Variants in RPS6KC1 observed in about 807,000 individuals in gnomAD.
The protein encoded by RPS6KC1 is ribosomal protein S6 kinase C1, also known as inactive ribosomal protein S6 kinase delta-1.
Under a neutral mutation model 103.8 loss-of-function variants are expected in RPS6KC1, and 54 were observed. The observed-to-expected ratio is 0.52, with a 90% confidence interval of 0.42 to 0.65. The LOEUF (loss-of-function observed/expected upper bound fraction) is 0.65, where lower values mean the gene tolerates loss of function less well. RPS6KC1 is among the 30% of genes least tolerant of loss of function. The pLI is 0.00. For synonymous variants in RPS6KC1, 439 were observed against 438.7 expected, an observed-to-expected ratio of 1.00 and a Z score of -0.01; for missense variants, 1,151 against 1,253.8, an observed-to-expected ratio of 0.92 and a Z score of 1.24.
At chr1:213,152,809 A>C (rs2089360167) in intron 6 of RPS6KC1, among the ~76,000 whole-genome samples, 1 of 151,328 alleles carries the variant, frequency 6.6e-6, no homozygotes, top group Admixed American at 6.6e-5. Flanking sequence ...GCCGCCAGGC[A>C]GAGATGCTCC....
At chr1:213,430,272 T>C in the RPS6KC1 span, among the ~76,000 whole-genome samples, 1 of 152,198 alleles carries the variant, frequency 6.6e-6, no homozygotes, top group African/African-American at 2.4e-5. Context: ...ATTTCCAGCA[T>C]GGAATGTATT....
At chr1:213,834,540 TAGTTCACCA>T in the RPS6KC1 span, among the ~76,000 whole-genome samples, 2 of 152,188 alleles carry the variant, frequency 1.3e-5, no homozygotes, top group East Asian at 3.8e-4. Context: ...CTAAAGTGCC[TAGTTCACCA>T]AGAGCAAAGT....
At chr1:213,252,685 A>G (rs1385473354) in intron 12 of RPS6KC1, among the ~76,000 whole-genome samples, 1 of 152,152 alleles carries the variant, frequency 6.6e-6, no homozygotes, top group African/African-American at 2.4e-5. Flanking sequence ...AAGGTCAGAT[A>G]TTTAAAGTGA....
At chr1:213,437,751 T>G in the RPS6KC1 span, among the ~76,000 whole-genome samples, 1 of 137,616 alleles carries the variant, frequency 7.3e-6, no homozygotes, top group African/African-American at 2.8e-5. Flanking sequence ...CTGCCTTTTG[T>G]TTTTTTTTGT....
the RPS6KC1 span, among the ~76,000 whole-genome samples, chr1:213,312,431 A>G: frequency 2.6e-5 from 4 of 152,174 alleles, no homozygotes; most frequent in Non-Finnish European, 5.9e-5. Flanking sequence ...TTGATCTGAG[A>G]AATTGGCACC....
chr1:213,756,009 A>G, the RPS6KC1 span, among the ~76,000 whole-genome samples: 1 of 152,118 alleles, frequency 6.6e-6, no homozygotes, highest in African/African-American at 2.4e-5. Flanking sequence ...ACTTGGGCCA[A>G]TCACCACCGC....
rs1330809213 is a variant in RPS6KC1 at position 213,129,861 on chromosome 1, A to C, written c.807A>C (p.Gly269=). Residue 269 remains glycine, a synonymous_variant, in exon 6 of 15, where the codon GGA becomes GGC. Coordinates refer to ENST00000366960, the MANE Select transcript of RPS6KC1 (RefSeq NM_012424.6). The part of the protein sequence containing the change: ...YEAASDFYRK[G]VDLLLEGVQG... ...CTGCTTCTGATTTTTATAGGAAGGG[A>C]GTTGATTTACTCCTAGAAGGTGTTC... The C allele has an allele frequency of 1.2e-6, 2 of 1,608,596 alleles. No homozygotes were observed. Among genetic ancestry groups the C allele is most frequent in the African/African-American group, 1.3e-5 (1 of 74,358 alleles).
chr1:213,152,768 G>T (rs2089350474), intron 6 of RPS6KC1, among the ~76,000 whole-genome samples: 1 of 151,532 alleles, frequency 6.6e-6, no homozygotes, highest in African/African-American at 2.4e-5. Flanking sequence ...GGGCAGCCAG[G>T]CAGAGGGGCT....
chr1:213,526,225 A>G, the RPS6KC1 span, among the ~76,000 whole-genome samples: 1 of 152,190 alleles, frequency 6.6e-6, no homozygotes, highest in Non-Finnish European at 1.5e-5. Context: ...TCCATTTGCA[A>G]TATTTTCTTA....
the RPS6KC1 span, among the ~76,000 whole-genome samples, chr1:213,350,842 T>C: frequency 6.6e-6 from 1 of 152,294 alleles, no homozygotes; most frequent in African/African-American, 2.4e-5. Flanking sequence ...ATCATATATA[T>C]GTATGTATAG....
At chr1:213,393,894 C>G in the RPS6KC1 span, among the ~76,000 whole-genome samples, 1 of 152,214 alleles carries the variant, frequency 6.6e-6, no homozygotes, top group African/African-American at 2.4e-5. Context: ...TGTTCAAACA[C>G]TGATGGGGAG....
At chr1:213,248,161 A>G (rs561669443) in intron 12 of RPS6KC1, among the ~76,000 whole-genome samples, 1 of 152,174 alleles carries the variant, frequency 6.6e-6, no homozygotes, top group African/African-American at 2.4e-5. Flanking sequence ...ATATAGATGT[A>G]TATTTCAAAA....
At chr1:213,533,617 A>C in the RPS6KC1 span, among the ~76,000 whole-genome samples, 6 of 152,210 alleles carry the variant, frequency 3.9e-5, no homozygotes, top group Admixed American at 6.5e-5. Context: ...TCCAAAGTAC[A>C]TTCTTCACTT....
intron 3 of RPS6KC1, among the ~76,000 whole-genome samples, chr1:213,078,035 G>T (rs2079508253): frequency 6.6e-6 from 1 of 152,038 alleles, no homozygotes; most frequent in South Asian, 2.1e-4. Flanking sequence ...AACAACTTCA[G>T]TTCCAACCAA....
chr1:213,666,838 C>T, the RPS6KC1 span, among the ~76,000 whole-genome samples: 1 of 152,242 alleles, frequency 6.6e-6, no homozygotes, highest in East Asian at 1.9e-4. Flanking sequence ...AACAGCTGTT[C>T]ACCTGGCCTA....
chr1:213,406,398 AT>A, the RPS6KC1 span, among the ~76,000 whole-genome samples: 1 of 149,448 alleles, frequency 6.7e-6, no homozygotes, highest in Non-Finnish European at 1.5e-5. Context: ...TTTCTTTCAG[AT>A]TGTGGTCAGA....
the RPS6KC1 span, among the ~76,000 whole-genome samples, chr1:213,780,573 A>G: frequency 2.0e-5 from 3 of 152,250 alleles, no homozygotes; most frequent in African/African-American, 7.2e-5. Context: ...TTCTCTTCTT[A>G]TAGGCTATTT....
At chr1:213,077,672 C>G (rs747662696) in intron 2 of RPS6KC1, 24 bp from the exon 3 acceptor site, 15 of 1,347,898 alleles carry the variant, frequency 1.1e-5, no homozygotes, top group Non-Finnish European at 1.4e-5. Flanking sequence ...TTATGAGATA[C>G]ATGTTTAATT....
At chr1:213,820,681 T>A in the RPS6KC1 span, 1 of 152,134 alleles carries the variant, frequency 6.6e-6, no homozygotes, top group Admixed American at 6.5e-5. Flanking sequence ...TATTTCGACA[T>A]CTCAGGAAGT....
Sources: gnomAD v4.1 joint callset for allele counts (sites outside exome capture counted in the v4.1 genomes callset) on GRCh38, gnomAD v4.1.1 for gene constraint, MANE v1.5 for transcripts, NCBI Gene and HGNC (gene_info 2026-07-23, HGNC 2026-07-21) for gene names.